OGDH: variants seen among roughly 807,000 people sequenced by gnomAD.
OGDH encodes 2-oxoglutarate dehydrogenase complex component E1.
In OGDH, 38 loss-of-function variants were observed where a neutral mutation model predicts 116.6. The observed-to-expected ratio is 0.33, with a 90% confidence interval of 0.25 to 0.43. OGDH has a LOEUF of 0.43. Ranked by LOEUF, OGDH falls within the 20% of genes least tolerant of loss-of-function variation. The pLI is 1.00. For missense variants in OGDH, 825 were observed against 1,357.2 expected (o/e 0.61, Z 6.16); for synonymous variants, 488 against 533.3 (o/e 0.92, Z 1.17).
chr7:44,672,401 C>CCT (rs1242569493), intron 5 of OGDH, among the ~76,000 whole-genome samples: 4 of 152,138 alleles, frequency 2.6e-5, no homozygotes, highest in Non-Finnish European at 5.9e-5. Flanking sequence ...CTGAGCAGGA[C>CCT]CTAACACTCT....
intron 4 of OGDH, among the ~76,000 whole-genome samples, chr7:44,660,702 G>C (rs888897253): frequency 6.6e-6 from 1 of 152,128 alleles, no homozygotes; most frequent in Non-Finnish European, 1.5e-5. Context: ...ACCAAGATGG[G>C]AGGATCACTT....
intron 10 of OGDH, among the ~76,000 whole-genome samples, chr7:44,685,089 T>C (rs530765144): frequency 1.3e-5 from 2 of 152,246 alleles, no homozygotes; most frequent in South Asian, 4.1e-4. Flanking sequence ...CCTGGCCTTT[T>C]TTCTGTTTTT....
At chr7:44,673,970 A>G in intron 6 of OGDH, 29 bp downstream of exon 6, 1 of 1,613,320 alleles carries the variant, frequency 6.2e-7, no homozygotes. Context: ...GCCATGGGGC[A>G]GACATTCCCA....
At chr7:44,613,040 T>C (rs1041978476) in intron 1 of OGDH, among the ~76,000 whole-genome samples, 2 of 148,846 alleles carry the variant, frequency 1.3e-5, no homozygotes, top group Non-Finnish European at 3.0e-5. Context: ...GCCACCAACG[T>C]AATTTTTTTG....
Position 44,697,298 on chromosome 7 carries a change from T to A in OGDH, c.2052-72T>A. 1.3e-6 allele frequency: 2 copies of A among 1,587,348 alleles called. No individual in the cohort carries two copies. The highest frequency in any genetic ancestry group is 1.7e-6 in the Non-Finnish European group (2 of 1,162,094). On this transcript the variant is annotated intron_variant, in intron 15 of 22. Coordinates refer to ENST00000222673, the MANE Select transcript of OGDH (RefSeq NM_002541.4). This position sits in a 1 kb window ranked among gnomAD's most constrained non-coding sequence, Gnocchi z 6.0. ...ACAGAGCATGGCATCTGCTGGTGCT[T>A]CGTGCGGGTCCCCAGCGTATTTGCT...
intron 20 of OGDH, among the ~76,000 whole-genome samples, chr7:44,705,654 T>C (rs799437): frequency 0.77 from 117,287 of 152,110 alleles, 46,379 homozygotes; most frequent in East Asian, 1. Context: ...CCTCCTACTT[T>C]GGCCTCCCAG....
In OGDH at chr7:44,707,766, G is replaced by C; in HGVS notation, c.2951+30G>C. The C allele has an allele frequency of 6.2e-7, 1 of 1,613,822 alleles. No homozygotes were observed. The highest frequency in any genetic ancestry group is 8.5e-7 in the Non-Finnish European group (1 of 1,179,890). On this transcript the variant is annotated intron_variant, in intron 22 of 22. Transcript: ENST00000222673. The surrounding 1 kb of genome is among the most constrained non-coding windows in gnomAD (Gnocchi z 5.2). ...GGCTTCAGTCCCTGCCAGGAAGGCT[G>C]TGGGACCCTCCCCTCAGGCCAGTAG...
intron 1 of OGDH, among the ~76,000 whole-genome samples, chr7:44,614,040 G>C (rs954094353): frequency 2.0e-5 from 3 of 150,096 alleles, no homozygotes; most frequent in Non-Finnish European, 4.4e-5. Flanking sequence ...TCCCAAACTC[G>C]GGCCATCCGC....
chr7:44,700,313 C>T, intron 19 of OGDH, 44 bp downstream of exon 19: 1 of 1,609,082 alleles, frequency 6.2e-7, no homozygotes, highest in South Asian at 1.1e-5. Flanking sequence ...CCTGGCCCTG[C>T]CCTGTTGGTG....
chr7:44,621,028 T>G (rs886356733), intron 1 of OGDH, among the ~76,000 whole-genome samples: 7 of 152,242 alleles, frequency 4.6e-5, no homozygotes, highest in Non-Finnish European at 1.0e-4. Context: ...AGACCTAATG[T>G]TGACTGGCTG....
At chr7:44,703,076 C>T (rs896769655) in intron 20 of OGDH, among the ~76,000 whole-genome samples, 1 of 152,036 alleles carries the variant, frequency 6.6e-6, no homozygotes, top group Non-Finnish European at 1.5e-5. Flanking sequence ...ATAATGTCTG[C>T]GAGGTCCATC....
chr7:44,700,237 C>T lies in OGDH; in HGVS notation c.2527C>T (p.Arg843Ter), dbSNP rs1031937170. 2 of 1,614,212 alleles carry T rather than the reference C, an allele frequency of 1.2e-6. No homozygotes were observed. Among genetic ancestry groups the T allele is most frequent in the South Asian group, 1.1e-5 (1 of 91,080 alleles). Residue 843 changes from arginine to a stop codon, truncating the protein, a stop_gained, in exon 19 of 23, where the codon CGA (arginine) becomes TGA (stop). Coordinates refer to ENST00000222673, the MANE Select transcript of OGDH (RefSeq NM_002541.4). LOFTEE classifies it high-confidence loss of function. ...TCCTGGCAACTTCTTCCACGTGCTA[C>T]GACGCCAGATCCTGCTGCCATTCCG... ...STPGNFFHVL[R>*]RQILLPFRKP...
At chr7:44,647,273 A>G (rs1009687699) in intron 3 of OGDH, among the ~76,000 whole-genome samples, 2 of 152,266 alleles carry the variant, frequency 1.3e-5, no homozygotes, top group East Asian at 1.9e-4. Flanking sequence ...TTTATGCACA[A>G]TAGTGCTTTT....
intron 2 of OGDH, among the ~76,000 whole-genome samples, chr7:44,641,382 C>T (rs1785938021): frequency 6.6e-6 from 1 of 151,830 alleles, no homozygotes; most frequent in South Asian, 2.1e-4. Context: ...TGCACCACCA[C>T]ACCCAGCTAA....
chr7:44,616,905 C>T (rs555964623), intron 1 of OGDH, among the ~76,000 whole-genome samples: 27 of 123,796 alleles, frequency 2.2e-4, no homozygotes, highest in East Asian at 2.0e-3. Flanking sequence ...GAGCCGAGAT[C>T]GCGCCACTGC....
At chr7:44,686,737 G>A (rs144323767) in intron 10 of OGDH, among the ~76,000 whole-genome samples, 1,527 of 144,774 alleles carry the variant, frequency 0.011, 23 homozygotes, top group African/African-American at 0.037. Context: ...CGCCCAGGCC[G>A]GAGTGCAATG....
chr7:44,653,815 T>C (rs1786560533), intron 4 of OGDH, among the ~76,000 whole-genome samples: 1 of 151,650 alleles, frequency 6.6e-6, no homozygotes, highest in South Asian at 2.1e-4. Flanking sequence ...CGTGAGCCAC[T>C]GTGCCTGGCC....
In OGDH at chr7:44,687,502, A is replaced by G. The variant is rs369466424; in HGVS notation, c.1335+5654A>G. ...ACAATCTAGACTCACTGCAGCCTCC[A>G]CCTCCGAGGCTCAAGCAATCCTCCC... On this transcript the variant is annotated intron_variant, in intron 10 of 22. Transcript: ENST00000222673. Among the ~76,000 whole-genome samples, 8 of 152,090 alleles carry G rather than the reference A, an allele frequency of 5.3e-5. No homozygotes were observed. In the East Asian group the frequency reaches 1.4e-3, roughly 26 times the overall value.
At chr7:44,706,875 C>T (rs1789103260) in intron 20 of OGDH, among the ~76,000 whole-genome samples, 1 of 152,132 alleles carries the variant, frequency 6.6e-6, no homozygotes, top group Admixed American at 6.6e-5. Context: ...CCGCCCGCCT[C>T]AGCTTCCCAA....
Sources: allele counts gnomAD v4.1 joint callset (sites outside exome capture counted in the v4.1 genomes callset), GRCh38; gene constraint gnomAD v4.1.1; non-coding constraint Gnocchi (gnomAD v3.1); transcripts MANE v1.5; gene names NCBI Gene and HGNC (gene_info 2026-07-23, HGNC 2026-07-21).